ABCC4: variants seen among roughly 807,000 people sequenced by gnomAD.
The protein encoded by ABCC4 is ATP-binding cassette sub-family C member 4.
In ABCC4, 102 loss-of-function variants were observed where a neutral mutation model predicts 168.5. That is an observed-to-expected ratio of 0.61 (90% CI 0.52 to 0.71). The LOEUF is 0.71. Among genes scored for constraint, ABCC4 ranks in the 30% least tolerant of loss-of-function variants. The pLI is 0.00. For missense variants in ABCC4, 1,402 were observed against 1,605.8 expected (o/e 0.87, Z 2.17); for synonymous variants, 617 against 590.7 (o/e 1.04, Z -0.65).
intron 29 of ABCC4, among the ~76,000 whole-genome samples, chr13:95,042,197 G>A (rs1031485754): frequency 1.8e-4 from 28 of 152,092 alleles, no homozygotes; most frequent in African/African-American, 5.8e-4. Context: ...TACTTCTTCC[G>A]GGTCTTCCTC....
chr13:95,096,013 A>G (rs1382827170), intron 20 of ABCC4: 2 of 407,332 alleles, frequency 4.9e-6, no homozygotes, highest in East Asian at 7.1e-5. Flanking sequence ...AGAGCAAAAC[A>G]AATGAAAATT....
chr13:95,242,853 CT>C (rs1193123896), intron 3 of ABCC4, among the ~76,000 whole-genome samples: 2 of 152,030 alleles, frequency 1.3e-5, no homozygotes, highest in Non-Finnish European at 2.9e-5. Flanking sequence ...AGAATTCAGG[CT>C]GTTTTCACTG....
At chr13:95,039,552 TC>T (rs2032269668) in intron 29 of ABCC4, among the ~76,000 whole-genome samples, 1 of 152,108 alleles carries the variant, frequency 6.6e-6, no homozygotes, top group South Asian at 2.1e-4. Flanking sequence ...TTGATGTTGG[TC>T]CCGTGGCCCC....
intron 1 of ABCC4, among the ~76,000 whole-genome samples, chr13:95,271,547 C>A (rs976517229): frequency 2.0e-5 from 3 of 152,140 alleles, no homozygotes; most frequent in Non-Finnish European, 2.9e-5. Context: ...CAAGTATTTG[C>A]GTTACCTCAG....
At chr13:95,266,600 A>T (rs927298185) in intron 1 of ABCC4, among the ~76,000 whole-genome samples, 1 of 152,138 alleles carries the variant, frequency 6.6e-6, no homozygotes, top group African/African-American at 2.4e-5. Flanking sequence ...TGGGGCACGC[A>T]GTTTGCATGT....
chr13:95,297,412 T>C (rs1223437085), intron 1 of ABCC4, among the ~76,000 whole-genome samples: 1 of 151,942 alleles, frequency 6.6e-6, no homozygotes, highest in African/African-American at 2.4e-5. Flanking sequence ...CCCGGGAAAA[T>C]ACTTTGAATA....
At chr13:95,028,580 G>A (rs1237049114) in intron 30 of ABCC4, among the ~76,000 whole-genome samples, 1 of 151,908 alleles carries the variant, frequency 6.6e-6, no homozygotes, top group East Asian at 1.9e-4. Flanking sequence ...ATGAGTGAAA[G>A]CACTACATAT....
At chr13:95,086,069 C>T (rs1189433) in intron 20 of ABCC4, among the ~76,000 whole-genome samples, 141,014 of 150,960 alleles carry the variant, frequency 0.93, 65,977 homozygotes, top group Non-Finnish European at 0.96. Context: ...TTTCTGAATT[C>T]TCTAGTTTTT....
chr13:95,074,745 C>G (rs546495294), intron 22 of ABCC4, among the ~76,000 whole-genome samples: 42 of 152,314 alleles, frequency 2.8e-4, no homozygotes, highest in African/African-American at 9.9e-4. Flanking sequence ...GGCCCACACA[C>G]ACTGACTATT....
chr13:95,184,883 T>C (rs1450126030), intron 11 of ABCC4, among the ~76,000 whole-genome samples: 1 of 152,188 alleles, frequency 6.6e-6, no homozygotes, highest in African/African-American at 2.4e-5. Context: ...AAATTTGCCA[T>C]CTGTTTCTCA....
rs568463694 is a variant in ABCC4, at chr13:95,059,018, C to T, written c.3366+3686G>A. Among the ~76,000 whole-genome samples the T allele has an allele frequency of 3.9e-5, 6 of 152,314 alleles. No homozygotes were observed. In the South Asian group the frequency reaches 8.3e-4, roughly 21 times the overall value. The stretch of plus-strand genomic sequence containing the variant: ...ATGGATATAATAGAAAATATCAGGG[C>T]GCAGAAGCATGGAGTAATATCGTGT... On this transcript the variant is annotated intron_variant, in intron 26 of 30. Transcript: ENST00000645237.
At chr13:95,209,268 C>T (rs1337909836) in intron 6 of ABCC4, among the ~76,000 whole-genome samples, 166 bp downstream of exon 6, 1 of 152,224 alleles carries the variant, frequency 6.6e-6, no homozygotes, top group Non-Finnish European at 1.5e-5. Flanking sequence ...TGAAGATTTG[C>T]CTTCAGCATA....
intron 1 of ABCC4, among the ~76,000 whole-genome samples, chr13:95,268,200 A>G (rs1448912123): frequency 6.6e-6 from 1 of 152,198 alleles, no homozygotes; most frequent in African/African-American, 2.4e-5. Flanking sequence ...CTCATGATTT[A>G]ATGAATTTAA....
chr13:95,057,177 T>C (rs986387585), intron 26 of ABCC4, among the ~76,000 whole-genome samples: 1 of 152,196 alleles, frequency 6.6e-6, no homozygotes, highest in Non-Finnish European at 1.5e-5. Context: ...ATTTAGGAAG[T>C]ACTTTCACTG....
chr13:95,115,013 A>T (rs898528152), intron 20 of ABCC4, among the ~76,000 whole-genome samples: 1 of 152,224 alleles, frequency 6.6e-6, no homozygotes, highest in Non-Finnish European at 1.5e-5. Flanking sequence ...AGTGTTAGCA[A>T]CAGCAGCTGA....
chr13:95,299,358 A>G (rs2138976252), intron 1 of ABCC4, among the ~76,000 whole-genome samples: 1 of 151,626 alleles, frequency 6.6e-6, no homozygotes, highest in East Asian at 1.9e-4. Flanking sequence ...CCACACCCAT[A>G]TTCCTTCCTC....
chr13:95,299,263 G>A (rs2041613349), intron 1 of ABCC4, among the ~76,000 whole-genome samples: 1 of 51,470 alleles, frequency 1.9e-5, no homozygotes. Flanking sequence ...GCAAGATCCT[G>A]TCTCAAAAAA....
intron 7 of ABCC4, 87 bp downstream of exon 7, chr13:95,207,713 G>T: frequency 7.0e-7 from 1 of 1,430,456 alleles, no homozygotes; most frequent in Non-Finnish European, 9.5e-7. Context: ...CCCATAATGT[G>T]AAAACATAGT....
chr13:95,116,666 C>G (rs2035389491), intron 19 of ABCC4, among the ~76,000 whole-genome samples: 1 of 152,152 alleles, frequency 6.6e-6, no homozygotes, highest in Non-Finnish European at 1.5e-5. Flanking sequence ...CTGAAGATCA[C>G]TGCTTAGCAT....
Sources: gnomAD v4.1 joint callset for allele counts (sites outside exome capture counted in the v4.1 genomes callset) on GRCh38, gnomAD v4.1.1 for gene constraint, MANE v1.5 for transcripts, NCBI Gene and HGNC (gene_info 2026-07-23, HGNC 2026-07-21) for gene names.